Variants in TMEM248 observed in about 807,000 individuals in gnomAD.
The protein encoded by TMEM248 is transmembrane protein 248.
A neutral mutation model predicts 30.3 loss-of-function variants in TMEM248; 9 were observed. The observed-to-expected ratio is 0.30, with a 90% CI of 0.18 to 0.52. The LOEUF is 0.52. Among genes scored for constraint, TMEM248 ranks in the 20% least tolerant of loss-of-function variants. The probability of loss-of-function intolerance (pLI) is 0.97; values close to 1 mark genes in which losing one functional copy is unlikely to be tolerated. For synonymous variants in TMEM248, 184 were observed against 154.4 expected, an observed-to-expected ratio of 1.19 and a Z score of -1.42; for missense variants, 338 against 403.3, an observed-to-expected ratio of 0.84 and a Z score of 1.39.
chr7:66,930,636 G>A (rs1349936620), intron 1 of TMEM248: 1 of 152,452 alleles, frequency 6.6e-6, no homozygotes, highest in Non-Finnish European at 1.5e-5. Context: ...ACTGCTTTGC[G>A]GTGGGGCAGG....
rs1323157435 is a variant in TMEM248 at position 66,958,309 on chromosome 7, T to G, written c.*2787T>G. ...AATCAGTTTTGATTCTATTTGTAAG[T>G]GTTTCTTGTCGTGAGGCACCTGCCA... On this transcript the variant is annotated 3_prime_UTR_variant, in exon 7 of 7. Transcript: ENST00000341567. 6.5e-6 allele frequency: 1 copy of G among 152,676 alleles called. No individual in the cohort carries two copies. The highest frequency in any genetic ancestry group is 1.5e-5 in the Non-Finnish European group (1 of 68,052). 9.5% of individuals were successfully genotyped at this position (152,676 alleles called of 1,614,324 possible). A position where few individuals can be genotyped will look rare whatever the true frequency, so the allele number is the denominator to read the frequency against.
intron 1 of TMEM248, among the ~76,000 whole-genome samples, chr7:66,934,753 A>G (rs925763321): frequency 6.6e-6 from 1 of 152,152 alleles, no homozygotes; most frequent in African/African-American, 2.4e-5. Flanking sequence ...TCATTTTTAT[A>G]TAAGGCTAAG....
intron 1 of TMEM248, among the ~76,000 whole-genome samples, chr7:66,928,683 G>T (rs1791586592): frequency 6.6e-6 from 1 of 152,132 alleles, no homozygotes. Context: ...AGTGAAAGGG[G>T]TTTTGCTTAC....
rs577998925 is a variant in TMEM248 at position 66,955,001 on chromosome 7, C to A, written c.925-501C>A. On this transcript the variant is annotated intron_variant, in intron 6 of 6. Coordinates refer to ENST00000341567, the MANE Select transcript of TMEM248 (RefSeq NM_017994.5). ...AAGACAGTTACCTCAGCTAGGTGGA[C>A]CTGTAATCCCAGGACTTTTAGGAGG... is the stretch of plus-strand genomic sequence containing the variant. 2.0e-5 allele frequency among the ~76,000 whole-genome samples: 3 copies of A among 152,262 alleles called. No individual in the cohort carries two copies. In the South Asian group the frequency reaches 6.2e-4, roughly 32 times the overall value.
chr7:66,937,218 T>G (rs958058576), intron 1 of TMEM248, among the ~76,000 whole-genome samples: 1 of 152,248 alleles, frequency 6.6e-6, no homozygotes, highest in Admixed American at 6.5e-5. Flanking sequence ...TGTGTTTGTA[T>G]AGTTTCCAGA....
At chr7:66,925,233 C>G (rs1263701316) in intron 1 of TMEM248, among the ~76,000 whole-genome samples, 1 of 152,114 alleles carries the variant, frequency 6.6e-6, no homozygotes, top group Non-Finnish European at 1.5e-5. Context: ...GTTGCTCAGG[C>G]TGGTCTCAAA....
intron 1 of TMEM248, among the ~76,000 whole-genome samples, chr7:66,932,903 A>G (rs1791704933): frequency 7.0e-6 from 1 of 143,022 alleles, no homozygotes; most frequent in African/African-American, 2.5e-5. Flanking sequence ...GTCTCACTCC[A>G]TCACCCAGGC....
At chr7:66,925,695 T>TTTTTTC (rs770998987) in intron 1 of TMEM248, among the ~76,000 whole-genome samples, 5,531 of 142,502 alleles carry the variant, frequency 0.039, 183 homozygotes, top group East Asian at 0.086. Flanking sequence ...TAGTTTTTTC[T>TTTTTTC]TTTTTTTTTT....
chr7:66,934,352 C>T (rs1184403043), intron 1 of TMEM248, among the ~76,000 whole-genome samples: 2 of 152,160 alleles, frequency 1.3e-5, no homozygotes, highest in African/African-American at 2.4e-5. Context: ...AGGCACACGC[C>T]GCCATGCCCA....
At chr7:66,953,163 G>A (rs1792313323) in intron 5 of TMEM248, 63 bp from the exon 6 acceptor site, 3 of 1,573,356 alleles carry the variant, frequency 1.9e-6, no homozygotes, top group Non-Finnish European at 2.6e-6. Flanking sequence ...TCAAAACCCA[G>A]CATTAAAACC....
intron 1 of TMEM248, among the ~76,000 whole-genome samples, chr7:66,941,267 G>A (rs1003225491): frequency 2.0e-5 from 3 of 151,830 alleles, no homozygotes; most frequent in African/African-American, 4.8e-5. Flanking sequence ...TGTAGTCTCA[G>A]CTACTTGGGA....
intron 1 of TMEM248, among the ~76,000 whole-genome samples, chr7:66,931,829 GA>G (rs1791675979): frequency 1.0e-5 from 1 of 99,786 alleles, no homozygotes. Context: ...TTTTGAGGCA[GA>G]GTCTCGCTCT....
rs113938327 is a variant in TMEM248 at position 66,955,916 on chromosome 7, T to C, written c.*394T>C. The stretch of plus-strand genomic sequence containing the variant: ...GTTTGGTTCTTGTTTCAGCCCAATA[T>C]GTAGAGAACATTTGAAACAGTCTGC... On this transcript the variant is annotated 3_prime_UTR_variant, in exon 7 of 7. Transcript: ENST00000341567. 1 of 201,768 alleles carries C rather than the reference T, an allele frequency of 5.0e-6. No individual in the cohort carries two copies. Among genetic ancestry groups the C allele is most frequent in the Non-Finnish European group, 9.9e-6 (1 of 101,032 alleles). The allele number at this position is 201,768 out of a possible 1,614,324, so 12.5% of individuals were successfully genotyped here.
Position 66,950,923 on chromosome 7 carries a change from G to T in TMEM248, c.597-29G>T, listed in dbSNP as rs376289449. Reference sequence around the variant, plus strand: ...GTGAATGACTCAGGCCACTGAGCACGTGTCTTTCCTCCTCCTCTTCTCCTG... The same window carrying T: ...GTGAATGACTCAGGCCACTGAGCACTTGTCTTTCCTCCTCCTCTTCTCCTG... On this transcript the variant is annotated intron_variant, in intron 4 of 6. Transcript: ENST00000341567. 1.6e-4 allele frequency: 241 copies of T among 1,524,982 alleles called. 1 individual carries two copies. The highest frequency in any genetic ancestry group is 2.0e-4 in the Non-Finnish European group (231 of 1,135,018). The allele number at this position is 1,524,982 out of a possible 1,614,324, so 94.5% of individuals were successfully genotyped here.
intron 1 of TMEM248, among the ~76,000 whole-genome samples, chr7:66,928,890 T>C (rs1387183982): frequency 6.6e-6 from 1 of 152,140 alleles, no homozygotes; most frequent in Admixed American, 6.6e-5. Context: ...TGGGTTCCGG[T>C]GATCCCTCCA....
chr7:66,947,967 G>A (rs1792155669), intron 3 of TMEM248, among the ~76,000 whole-genome samples: 1 of 151,942 alleles, frequency 6.6e-6, no homozygotes, highest in South Asian at 2.1e-4. Flanking sequence ...GTTCAGGCTG[G>A]TCGTGAATTC....
At chr7:66,948,075 T>G (rs901962793) in intron 3 of TMEM248, among the ~76,000 whole-genome samples, 1 of 152,252 alleles carries the variant, frequency 6.6e-6, no homozygotes, top group Non-Finnish European at 1.5e-5. Context: ...GGTTTTAGTT[T>G]AAGCTTCATC....
intron 1 of TMEM248, among the ~76,000 whole-genome samples, chr7:66,935,807 G>A (rs763730564): frequency 3.3e-5 from 5 of 152,168 alleles, no homozygotes; most frequent in Non-Finnish European, 5.9e-5. Context: ...GCCTCCCAAA[G>A]TGCTGGGATT....
Position 66,948,665 on chromosome 7 carries a change from G to T in TMEM248, c.567G>T (p.Thr189=). 2 of 1,613,784 alleles carry T rather than the reference G, an allele frequency of 1.2e-6. No homozygotes were observed. Among genetic ancestry groups the T allele is most frequent in the East Asian group, 2.2e-5 (1 of 44,866 alleles). The change falls in exon 4 of 7, where the codon ACG becomes ACT. Residue 189 remains threonine (T), a synonymous_variant. Coordinates refer to ENST00000341567, the MANE Select transcript of TMEM248 (RefSeq NM_017994.5). ...TATTCACAGCCTGCATGACCCTCAC[G>T]GCCAGCCCTGGGGTGTTCCCCGTCA... ...QVVFTACMTL[T]ASPGVFPVTV... is the part of the protein sequence containing the mutation.
Sources: allele counts gnomAD v4.1 joint callset (sites outside exome capture counted in the v4.1 genomes callset), GRCh38; gene constraint gnomAD v4.1.1; transcripts MANE v1.5; gene names NCBI Gene and HGNC (gene_info 2026-07-23, HGNC 2026-07-21).